ATXN1: variants seen among roughly 807,000 people sequenced by gnomAD.
The protein encoded by ATXN1 is ataxin 1, also known as ataxin-1.
ATXN1 carries 8 observed loss-of-function variants against 56.4 expected under a neutral mutation model. The ratio of observed to expected loss-of-function variants is 0.14; its 90% CI spans 0.08 to 0.26. The LOEUF is 0.26. Among genes scored for constraint, ATXN1 ranks in the 10% least tolerant of loss-of-function variants. The pLI is 1.00. For synonymous variants in ATXN1, 514 were observed against 494.6 expected, an observed-to-expected ratio of 1.04 and a Z score of -0.52; for missense variants, 987 against 1,106.5, an observed-to-expected ratio of 0.89 and a Z score of 1.53.
intron 6 of ATXN1, among the ~76,000 whole-genome samples, chr6:16,353,382 C>T (rs2113463520): frequency 6.6e-6 from 1 of 152,184 alleles, no homozygotes; most frequent in East Asian, 1.9e-4. Flanking sequence ...TCTTAACAAG[C>T]AATTACAGGA....
At chr6:16,396,130 T>C (rs1214173797) in intron 6 of ATXN1, among the ~76,000 whole-genome samples, 3 of 151,234 alleles carry the variant, frequency 2.0e-5, no homozygotes, top group Non-Finnish European at 2.9e-5. Flanking sequence ...GCTCCATTCA[T>C]GGTATTGCCT....
chr6:16,745,607 C>T (rs1760504919), intron 2 of ATXN1, among the ~76,000 whole-genome samples: 1 of 152,156 alleles, frequency 6.6e-6, no homozygotes. Flanking sequence ...AAGGTTTGGG[C>T]AATACATGTT....
intron 5 of ATXN1, among the ~76,000 whole-genome samples, chr6:16,496,655 G>A (rs984382649): frequency 8.5e-5 from 13 of 152,164 alleles, no homozygotes; most frequent in African/African-American, 2.9e-4. Context: ...AGATGCAGCC[G>A]TGGTTTGTCT....
intron 6 of ATXN1, among the ~76,000 whole-genome samples, chr6:16,481,442 C>T (rs1187346751): frequency 6.6e-6 from 1 of 152,142 alleles, no homozygotes; most frequent in Non-Finnish European, 1.5e-5. Flanking sequence ...ATTCAGCTCC[C>T]ATTTTTTAAG....
chr6:16,416,079 C>G (rs1758899633), intron 6 of ATXN1, among the ~76,000 whole-genome samples: 1 of 131,826 alleles, frequency 7.6e-6, no homozygotes, highest in Non-Finnish European at 1.6e-5. Context: ...ACAAGAAGAA[C>G]TACCAAGCTT....
intron 2 of ATXN1, chr6:16,739,637 T>C (rs1760261884): frequency 2.9e-6 from 1 of 341,658 alleles, no homozygotes; most frequent in Non-Finnish European, 6.1e-6. Flanking sequence ...TTTAACATCG[T>C]CCTGGCCATT....
intron 6 of ATXN1, among the ~76,000 whole-genome samples, chr6:16,425,851 C>T (rs1402001653): frequency 6.6e-6 from 1 of 152,216 alleles, no homozygotes; most frequent in East Asian, 1.9e-4. Context: ...CAGTGTTCCA[C>T]ATCCCGTAGC....
chr6:16,430,451 A>G (rs989239010), intron 6 of ATXN1, among the ~76,000 whole-genome samples: 2 of 152,166 alleles, frequency 1.3e-5, no homozygotes, highest in African/African-American at 4.8e-5. Flanking sequence ...AGCACAAAGG[A>G]AGGTTCTGTA....
chr6:16,705,877 A>G (rs1759396060), intron 2 of ATXN1, among the ~76,000 whole-genome samples: 1 of 152,058 alleles, frequency 6.6e-6, no homozygotes, highest in Non-Finnish European at 1.5e-5. Context: ...GCACTAACAG[A>G]ATGAAATCAC....
At chr6:16,682,203 C>CTTTTTTTTTTTTTTTTTTTTT (rs10528588) in intron 2 of ATXN1, among the ~76,000 whole-genome samples, 1 of 116,958 alleles carries the variant, frequency 8.6e-6, no homozygotes, top group Non-Finnish European at 1.7e-5. Context: ...CTGGGGAGAA[C>CTTTTTTTTTTTTTTTTTTTTT]TTTTTTTTTT....
intron 6 of ATXN1, among the ~76,000 whole-genome samples, chr6:16,400,572 T>A (rs1354179707): frequency 6.6e-6 from 1 of 152,232 alleles, no homozygotes; most frequent in Non-Finnish European, 1.5e-5. Flanking sequence ...GTGGATGACA[T>A]CTTACACAAG....
chr6:16,633,737 A>C (rs2299068), intron 3 of ATXN1, among the ~76,000 whole-genome samples: 102,374 of 152,018 alleles, frequency 0.67, 35,448 homozygotes, highest in African/African-American at 0.85. Context: ...TGACTATAGA[A>C]CCAAGGCTCC....
intron 6 of ATXN1, among the ~76,000 whole-genome samples, chr6:16,447,465 C>G (rs1289685097): frequency 6.6e-6 from 1 of 152,138 alleles, no homozygotes; most frequent in African/African-American, 2.4e-5. Flanking sequence ...CTCAAGTGAT[C>G]CACCTGCCTC....
At chr6:16,744,437 A>C (rs990911140) in intron 2 of ATXN1, among the ~76,000 whole-genome samples, 4 of 152,190 alleles carry the variant, frequency 2.6e-5, no homozygotes, top group Middle Eastern at 3.4e-3. Context: ...GCCAGGCCTG[A>C]GATTCCTGAC....
At chr6:16,744,993 C>T (rs1760474979) in intron 2 of ATXN1, among the ~76,000 whole-genome samples, 1 of 152,262 alleles carries the variant, frequency 6.6e-6, no homozygotes, top group Middle Eastern at 3.4e-3. Flanking sequence ...GATTAGAAAA[C>T]ATCAAGACTT....
intron 6 of ATXN1, among the ~76,000 whole-genome samples, chr6:16,367,841 G>T (rs994525068): frequency 1.3e-5 from 2 of 152,214 alleles, no homozygotes; most frequent in Admixed American, 6.5e-5. Flanking sequence ...TGGAAAGGGG[G>T]TAGGTCCTTC....
intron 6 of ATXN1, among the ~76,000 whole-genome samples, chr6:16,422,633 T>C (rs772437425): frequency 1.3e-5 from 2 of 152,080 alleles, no homozygotes; most frequent in Non-Finnish European, 2.9e-5. Context: ...TTCCTAAGAG[T>C]TGTCAAGCAA....
At chr6:16,641,538 T>A (rs1319591041) in intron 3 of ATXN1, among the ~76,000 whole-genome samples, 1 of 152,238 alleles carries the variant, frequency 6.6e-6, no homozygotes, top group African/African-American at 2.4e-5. Context: ...TTAAGCCCAC[T>A]GTTGAGACTT....
intron 2 of ATXN1, among the ~76,000 whole-genome samples, chr6:16,659,420 A>C (rs1443090505): frequency 6.6e-6 from 1 of 152,214 alleles, no homozygotes; most frequent in African/African-American, 2.4e-5. Flanking sequence ...AAACAAGTTC[A>C]CTGCAAGTTA....
Sources: gnomAD v4.1 joint callset for allele counts (sites outside exome capture counted in the v4.1 genomes callset) on GRCh38, gnomAD v4.1.1 for gene constraint, MANE v1.5 for transcripts, NCBI Gene and HGNC (gene_info 2026-07-23, HGNC 2026-07-21) for gene names.